Variants in HSF5 observed in about 807,000 individuals in gnomAD.
HSF5 encodes the protein heat shock factor protein 5.
Under a neutral mutation model 50.8 loss-of-function variants are expected in HSF5, and 5 were observed. The observed-to-expected ratio is 0.10, with a 90% CI of 0.05 to 0.21. The LOEUF (loss-of-function observed/expected upper bound fraction) is 0.21. HSF5 is among the 10% of genes least tolerant of loss of function. The probability of loss-of-function intolerance (pLI) is 1.00; values close to 1 mark genes in which losing one functional copy is unlikely to be tolerated. For missense variants in HSF5, 564 were observed against 762.6 expected (o/e 0.74, Z 3.07); for synonymous variants, 307 against 307.4 (o/e 1.00, Z 0.02).
intron 4 of HSF5, among the ~76,000 whole-genome samples, chr17:58,460,911 C>G (rs1466251055): frequency 1.3e-5 from 2 of 150,204 alleles, no homozygotes; most frequent in Non-Finnish European, 3.0e-5. Flanking sequence ...ATTCTGTGTT[C>G]TACAAATATA....
chr17:58,430,842 T>C (rs1974355599), intron 5 of HSF5, among the ~76,000 whole-genome samples: 1 of 152,192 alleles, frequency 6.6e-6, no homozygotes, highest in Non-Finnish European at 1.5e-5. Flanking sequence ...AATGGGGATA[T>C]GTTCTGAAAA....
At chr17:58,433,410 T>C (rs1974388543) in intron 5 of HSF5, among the ~76,000 whole-genome samples, 1 of 152,018 alleles carries the variant, frequency 6.6e-6, no homozygotes, top group African/African-American at 2.4e-5. Context: ...TGTATACAAG[T>C]GAGGTTCAGA....
chr17:58,482,511 C>A (rs898030719), intron 1 of HSF5, among the ~76,000 whole-genome samples: 2 of 151,624 alleles, frequency 1.3e-5, no homozygotes, highest in Non-Finnish European at 2.9e-5. Context: ...GAGTTCAAGA[C>A]CAGCCTGACT....
intron 1 of HSF5, among the ~76,000 whole-genome samples, chr17:58,482,856 C>G (rs939535780): frequency 1.3e-5 from 2 of 149,984 alleles, no homozygotes; most frequent in African/African-American, 4.9e-5. Context: ...GGGAGGATGA[C>G]TTGATCTTGG....
chr17:58,454,319 TAGAA>T (rs1974680507), intron 5 of HSF5, among the ~76,000 whole-genome samples: 1 of 152,042 alleles, frequency 6.6e-6, no homozygotes, highest in Admixed American at 6.6e-5. Flanking sequence ...AAACTGGTCA[TAGAA>T]AGAACATACC....
At chr17:58,446,945 T>C (rs9915325) in intron 5 of HSF5, among the ~76,000 whole-genome samples, 33,665 of 152,000 alleles carry the variant, frequency 0.22, 4,030 homozygotes, top group South Asian at 0.34. Context: ...ACCAAGATGG[T>C]GAAACTCTGT....
intron 5 of HSF5, among the ~76,000 whole-genome samples, chr17:58,456,634 T>C (rs1282390528): frequency 1.3e-5 from 2 of 152,198 alleles, no homozygotes; most frequent in Non-Finnish European, 2.9e-5. Context: ...ATCATTACAC[T>C]ACATATACAT....
At chr17:58,430,396 G>C (rs1421019498) in intron 5 of HSF5, among the ~76,000 whole-genome samples, 1 of 152,166 alleles carries the variant, frequency 6.6e-6, no homozygotes, top group African/African-American at 2.4e-5. Flanking sequence ...CTTTGGATAT[G>C]TGTCTGTGTT....
At chr17:58,477,011 TC>T in intron 2 of HSF5, 2 of 574,384 alleles carry the variant, frequency 3.5e-6, no homozygotes, top group East Asian at 2.9e-5. Flanking sequence ...GCAGGCAGCT[TC>T]CCCCTCACGG....
In HSF5 at chr17:58,447,305, C is replaced by T. The variant is rs538889056; in HGVS notation, c.1720+11463G>A. ...CAATCTGCCACCCCAGCAGGAAGGA[C>T]CCAAGTCCCAGCCAGCTTCACCACT... On this transcript the variant is annotated intron_variant, in intron 5 of 5. Transcript: ENST00000323777. Among the ~76,000 whole-genome samples, 5 of 152,306 alleles carry T rather than the reference C, an allele frequency of 3.3e-5. No individual in the cohort carries two copies. The East Asian group carries it at 7.7e-4, about 24-fold the overall frequency.
At chr17:58,442,479 A>G (rs984715268) in intron 5 of HSF5, among the ~76,000 whole-genome samples, 4 of 152,144 alleles carry the variant, frequency 2.6e-5, no homozygotes, top group African/African-American at 9.7e-5. Context: ...TACACACTTT[A>G]TAGATACTCT....
At chr17:58,471,970 C>G (rs1232504810) in intron 2 of HSF5, among the ~76,000 whole-genome samples, 1 of 152,022 alleles carries the variant, frequency 6.6e-6, no homozygotes, top group Non-Finnish European at 1.5e-5. Context: ...TGTCCTGCCT[C>G]AGCCTCCCAA....
chr17:58,427,081 G>A lies in HSF5; in HGVS notation c.1721-4651C>T, dbSNP rs939510217. ...AGCCTAGGCAACATGGTGAAACCCT[G>A]TCTCTATAAAAAAATAAAAATAAAT... is the stretch of plus-strand genomic sequence containing the variant. On this transcript the variant is annotated intron_variant, in intron 5 of 5. Transcript: ENST00000323777. Among the ~76,000 whole-genome samples, 5 of 152,116 alleles carry A rather than the reference G, an allele frequency of 3.3e-5. No individual in the cohort carries two copies. The South Asian group carries it at 1.0e-3, about 32-fold the overall frequency.
At position 58,487,967 on chromosome 17, in the gene HSF5, G is replaced by A. The variant is rs138567580; in HGVS notation, c.308C>T (p.Ala103Val). The part of the protein sequence containing the change: ...VLGGPGGGKP[A>V]GNGPLHHFHN... ...GAAGTGATGGAGCGGCCCATTGCCT[G>A]CCGGTTTGCCGCCCCCCGGCCCGCC... Residue 103 changes from alanine to valine, a missense_variant, in exon 1 of 6, where the codon GCA (alanine) becomes GTA (valine). Around this residue, in one of 5 missense-constraint regions of HSF5, gnomAD observed 29 missense variants for 24.7 expected, o/e 1.18. Transcript: ENST00000323777. 433 of 1,611,110 alleles carry A rather than the reference G, an allele frequency of 2.7e-4. 1 individual carries two copies. Among genetic ancestry groups the A allele is most frequent in the Non-Finnish European group, 3.6e-4 (422 of 1,179,346 alleles).
intron 1 of HSF5, 55 bp downstream of exon 1, chr17:58,487,670 C>T (rs1975205810): frequency 3.0e-6 from 4 of 1,353,194 alleles, no homozygotes; most frequent in African/African-American, 3.0e-5. Context: ...GCGGCGGTTG[C>T]TCCCCGCCGC....
intron 1 of HSF5, among the ~76,000 whole-genome samples, chr17:58,485,823 T>G (rs939567554): frequency 6.6e-6 from 1 of 151,476 alleles, no homozygotes; most frequent in Non-Finnish European, 1.5e-5. Flanking sequence ...TCCCAGCACA[T>G]TGGGAGGCCA....
At chr17:58,428,937 ATATGCATG>A (rs1397252229) in intron 5 of HSF5, among the ~76,000 whole-genome samples, 1 of 152,248 alleles carries the variant, frequency 6.6e-6, no homozygotes, top group Non-Finnish European at 1.5e-5. Context: ...AAATACTCGT[ATATGCATG>A]TTCATAGCAC....
chr17:58,475,912 A>T (rs1335898124), intron 2 of HSF5, among the ~76,000 whole-genome samples: 2 of 152,158 alleles, frequency 1.3e-5, no homozygotes, highest in Admixed American at 6.5e-5. Context: ...TTCGAACAGA[A>T]AGGGGTAGAG....
At chr17:58,464,035 GAGT>G (rs1486589834) in intron 3 of HSF5, among the ~76,000 whole-genome samples, 1 of 152,170 alleles carries the variant, frequency 6.6e-6, no homozygotes, top group Non-Finnish European at 1.5e-5. Flanking sequence ...GCTTCGCACA[GAGT>G]AGGCATTCAA....
Sources: gnomAD v4.1 joint callset for allele counts (sites outside exome capture counted in the v4.1 genomes callset) on GRCh38, gnomAD v4.1.1 for gene constraint, gnomAD v4.1.1 regional missense constraint, MANE v1.5 for transcripts, NCBI Gene and HGNC (gene_info 2026-07-23, HGNC 2026-07-21) for gene names.